ARIH2: variants seen among roughly 807,000 people sequenced by gnomAD.
The protein encoded by ARIH2 is E3 ubiquitin-protein ligase ARIH2.
ARIH2 carries 12 observed loss-of-function variants against 79.8 expected under a neutral mutation model. The observed-to-expected ratio is 0.15, with a 90% CI of 0.10 to 0.24. The LOEUF is 0.24. Among genes scored for constraint, ARIH2 ranks in the 10% least tolerant of loss-of-function variants. The probability of loss-of-function intolerance (pLI) is 1.00; values close to 1 mark genes in which losing one functional copy is unlikely to be tolerated. For synonymous variants in ARIH2, 224 were observed against 213.9 expected (o/e 1.05, Z -0.41); for missense variants, 301 against 618.3 (o/e 0.49, Z 5.44).
At chr3:48,965,698 C>T (rs1439475732) in intron 5 of ARIH2, among the ~76,000 whole-genome samples, 1 of 152,186 alleles carries the variant, frequency 6.6e-6, no homozygotes, top group Non-Finnish European at 1.5e-5. Context: ...CGGTGGCTCA[C>T]GCCCATAATC....
Position 48,941,959 on chromosome 3 carries a change from C to T in ARIH2, c.255+14146C>T, listed in dbSNP as rs1039673925. 6.6e-5 allele frequency among the ~76,000 whole-genome samples: 10 copies of T among 151,846 alleles called. No individual in the cohort carries two copies. The South Asian group carries it at 2.1e-3, about 32-fold the overall frequency. On this transcript the variant is annotated intron_variant, in intron 3 of 15. Coordinates refer to ENST00000356401, the MANE Select transcript of ARIH2 (RefSeq NM_006321.4). ...AGAATGCAGTGGCATGATCTTGGCA[C>T]ACTGCACCCTCCGCCCCCCGAGTTC... is the stretch of plus-strand genomic sequence containing the variant.
chr3:48,953,441 T>C (rs2090193124), intron 3 of ARIH2, among the ~76,000 whole-genome samples: 1 of 152,118 alleles, frequency 6.6e-6, no homozygotes, highest in African/African-American at 2.4e-5. Flanking sequence ...TCTCGCTCTG[T>C]CTCCCAGGCT....
chr3:48,949,093 C>T (rs1232776692), intron 3 of ARIH2: 2 of 452,340 alleles, frequency 4.4e-6, no homozygotes, highest in Admixed American at 2.4e-5. Flanking sequence ...TGCTGGGTCA[C>T]ATGGTAAGTG....
intron 3 of ARIH2, among the ~76,000 whole-genome samples, chr3:48,953,610 C>T (rs550829385): frequency 2.0e-5 from 3 of 151,768 alleles, no homozygotes; most frequent in African/African-American, 7.3e-5. Context: ...ACCGTGTCAG[C>T]CAGGATGGTC....
chr3:48,920,381 G>T (rs9637481), intron 1 of ARIH2, among the ~76,000 whole-genome samples: 2 of 144,446 alleles, frequency 1.4e-5, no homozygotes, highest in Admixed American at 1.4e-4. Context: ...TCATTTAAAT[G>T]TGCACCTAGA....
chr3:48,967,669 G>A (rs773872572), intron 6 of ARIH2, among the ~76,000 whole-genome samples: 3 of 152,176 alleles, frequency 2.0e-5, no homozygotes, highest in Non-Finnish European at 2.9e-5. Context: ...TTGTTATACT[G>A]TGATTTGATG....
At chr3:48,977,969 G>C (rs748443428) in intron 11 of ARIH2, among the ~76,000 whole-genome samples, 2 of 152,106 alleles carry the variant, frequency 1.3e-5, no homozygotes, top group Non-Finnish European at 2.9e-5. Context: ...CTGGGAAACA[G>C]GATTTACCAT....
At chr3:48,944,882 T>G (rs1435012260) in intron 3 of ARIH2, 2 of 356,868 alleles carry the variant, frequency 5.6e-6, no homozygotes, top group South Asian at 2.1e-5. Context: ...CTTGATCTCT[T>G]TAGGCTGATT....
rs2090011212 is a variant in ARIH2 at position 48,951,941 on chromosome 3, C to T, written c.256-9671C>T. Among the ~76,000 whole-genome samples, 5 of 151,970 alleles carry T rather than the reference C, an allele frequency of 3.3e-5. No homozygotes were observed. In the South Asian group the frequency reaches 6.2e-4, roughly 19 times the overall value. On this transcript the variant is annotated intron_variant, in intron 3 of 15. Transcript: ENST00000356401. ...AATTGTTACTATTTTCTTCTTTTTA[C>T]TTCGTTTTAACTTAGTCATCTTTTT...
intron 1 of ARIH2, 98 bp downstream of exon 1, chr3:48,919,096 G>T: frequency 7.8e-7 from 1 of 1,274,010 alleles, no homozygotes; most frequent in South Asian, 3.1e-5. Context: ...CTCCGCCTTC[G>T]CCGTCGCCCG....
chr3:48,978,449 G>GTA (rs1559861600), intron 11 of ARIH2, among the ~76,000 whole-genome samples: 2 of 116,662 alleles, frequency 1.7e-5, no homozygotes, highest in Non-Finnish European at 3.4e-5. Context: ...GTGTGTGTGT[G>GTA]TGTGTGTGTG....
At chr3:48,973,525 C>T (rs1056616119) in intron 8 of ARIH2, 174 bp from the exon 9 acceptor site, 7 of 471,176 alleles carry the variant, frequency 1.5e-5, no homozygotes, top group Middle Eastern at 6.2e-4. Flanking sequence ...TGCAGTGAAC[C>T]GAGATCACGC....
intron 3 of ARIH2, among the ~76,000 whole-genome samples, chr3:48,934,018 A>C (rs997502048): frequency 2.0e-5 from 3 of 152,168 alleles, no homozygotes; most frequent in African/African-American, 7.2e-5. Context: ...CTCTTTTGTG[A>C]ATTTTTTTAA....
intron 3 of ARIH2, among the ~76,000 whole-genome samples, chr3:48,933,578 C>CT (rs2086691205): frequency 7.4e-6 from 1 of 135,866 alleles, no homozygotes; most frequent in African/African-American, 2.8e-5. Flanking sequence ...GAGACGGACT[C>CT]TCGCTGTGTC....
In ARIH2 at chr3:48,947,459, G is replaced by GA. The variant is rs1281611380; in HGVS notation, c.256-14144dup. ...TCTGTCTCAAAAAAAAAAAAAAAAG[G>GA]AAAAAAAAAGCCAGAGAATATTGTA... On this transcript the variant is annotated intron_variant, in intron 3 of 15. Transcript: ENST00000356401. Among the ~76,000 whole-genome samples the GA allele has an allele frequency of 4.4e-4, 63 of 144,148 alleles. 1 individual carries two copies. The highest frequency in any genetic ancestry group is 3.5e-3 in the Middle Eastern group (1 of 286). The allele number at this position is 144,148 out of a possible 152,430, so 94.6% of individuals were successfully genotyped here.
chr3:48,980,293 T>G (rs2092702571), intron 12 of ARIH2, 60 bp from the exon 13 acceptor site: 4 of 1,576,432 alleles, frequency 2.5e-6, no homozygotes, highest in Non-Finnish European at 1.7e-6. Flanking sequence ...TGAACTCCTG[T>G]GTAGACCTCT....
chr3:48,968,580 C>G lies in ARIH2; in HGVS notation c.585C>G (p.Asp195Glu). ...AQDCPLRTPE[D>E]FVFPLLPNEE... ...ACTGTCCACTCCGTACACCAGAGGA[C>G]TTTGTGTTTCCATTGCTTCCCAATG... Residue 195 changes from aspartate (D) to glutamate (E), a missense_variant, in exon 7 of 16, where the codon GAC becomes GAG. By Grantham distance (45) the Asp-to-Glu change is conservative. Transcript: ENST00000356401. The G allele has an allele frequency of 1.2e-6, 2 of 1,611,776 alleles. No individual in the cohort carries two copies. Among genetic ancestry groups the G allele is most frequent in the East Asian group, 4.5e-5 (2 of 44,794 alleles).
At chr3:48,920,190 A>T (rs1312022851) in intron 1 of ARIH2, among the ~76,000 whole-genome samples, 3 of 151,916 alleles carry the variant, frequency 2.0e-5, no homozygotes, top group Non-Finnish European at 4.4e-5. Flanking sequence ...TAGGTTGCCT[A>T]AGCTGGTCTT....
chr3:48,953,553 C>T (rs2090219148), intron 3 of ARIH2, among the ~76,000 whole-genome samples: 1 of 151,946 alleles, frequency 6.6e-6, no homozygotes, highest in Admixed American at 6.6e-5. Flanking sequence ...ACAGGTGCCT[C>T]ACAACGCCCG....
Sources: gnomAD v4.1 joint callset for allele counts (sites outside exome capture counted in the v4.1 genomes callset) on GRCh38, gnomAD v4.1.1 for gene constraint, MANE v1.5 for transcripts, NCBI Gene and HGNC (gene_info 2026-07-23, HGNC 2026-07-21) for gene names.